ADGRG5: variants seen among roughly 807,000 people sequenced by gnomAD.
The protein encoded by ADGRG5 is G protein-coupled receptor 114.
A neutral mutation model predicts 53.2 loss-of-function variants in ADGRG5; 37 were observed. That is an observed-to-expected ratio of 0.70 (90% confidence interval 0.53 to 0.91). The LOEUF is 0.91. Ranked by LOEUF, ADGRG5 falls within the 40% of genes least tolerant of loss-of-function variation. ADGRG5 has a pLI of 0.00. For missense variants in ADGRG5, 614 were observed against 675.8 expected, an observed-to-expected ratio of 0.91 and a Z score of 1.01; for synonymous variants, 277 against 290.4, an observed-to-expected ratio of 0.95 and a Z score of 0.47.
At chr16:57,568,310 T>C (rs2033203256) in intron 9 of ADGRG5, among the ~76,000 whole-genome samples, 186 bp downstream of exon 9, 1 of 151,952 alleles carries the variant, frequency 6.6e-6, no homozygotes, top group Admixed American at 6.6e-5. Context: ...TCCACCTCCA[T>C]CATCATCATC....
At position 57,574,422 on chromosome 16, in the gene ADGRG5, G is replaced by A. The variant is rs1314523545; in HGVS notation, c.1209-393G>A. On this transcript the variant is annotated intron_variant, in intron 10 of 11. Coordinates refer to ENST00000349457, the MANE Select transcript of ADGRG5 (RefSeq NM_001304376.3). The surrounding 1 kb of genome is among the most constrained non-coding windows in gnomAD (Gnocchi z 4.4). ...GTGACAACCATGTAGTGGGGTGGAA[G>A]GGGAAGTTTCCAGGAAAGAGGGCTC... Among the ~76,000 whole-genome samples, 1 of 152,254 alleles carries A rather than the reference G, an allele frequency of 6.6e-6. No homozygotes were observed. Among genetic ancestry groups the A allele is most frequent in the Non-Finnish European group, 1.5e-5 (1 of 68,044 alleles).
intron 4 of ADGRG5, among the ~76,000 whole-genome samples, 174 bp downstream of exon 4, chr16:57,563,421 G>C (rs184423435): frequency 6.6e-6 from 1 of 152,346 alleles, no homozygotes; most frequent in East Asian, 1.9e-4. Context: ...GCTCATACTC[G>C]CTGTGTGAAC....
chr16:57,561,845 G>A (rs761311591), intron 1 of ADGRG5, among the ~76,000 whole-genome samples: 6 of 152,026 alleles, frequency 3.9e-5, no homozygotes, highest in Non-Finnish European at 8.8e-5. Flanking sequence ...TTACTTGGTG[G>A]TCAAGGATTC....
At chr16:57,547,713 C>T (rs1227098274) in intron 1 of ADGRG5, among the ~76,000 whole-genome samples, 1 of 152,170 alleles carries the variant, frequency 6.6e-6, no homozygotes, top group Non-Finnish European at 1.5e-5. Flanking sequence ...TCCCAGAGTG[C>T]TGGGATTACA....
chr16:57,554,925 A>T (rs2032848073), intron 1 of ADGRG5, among the ~76,000 whole-genome samples: 1 of 152,046 alleles, frequency 6.6e-6, no homozygotes, highest in African/African-American at 2.4e-5. Context: ...TCTCTGACTC[A>T]TGGGTTACTT....
At chr16:57,534,641 T>C in the ADGRG5 span, among the ~76,000 whole-genome samples, 5 of 152,298 alleles carry the variant, frequency 3.3e-5, no homozygotes, top group South Asian at 4.1e-4. Flanking sequence ...GGGCCCAGCA[T>C]ACAGCAGATG....
intron 1 of ADGRG5, among the ~76,000 whole-genome samples, chr16:57,557,253 T>C (rs1190292268): frequency 6.6e-6 from 1 of 152,212 alleles, no homozygotes; most frequent in African/African-American, 2.4e-5. Flanking sequence ...CATGGAGTTT[T>C]AGAATGACAG....
chr16:57,553,386 G>C (rs1333739468), intron 1 of ADGRG5, among the ~76,000 whole-genome samples: 1 of 152,158 alleles, frequency 6.6e-6, no homozygotes, highest in Non-Finnish European at 1.5e-5. Context: ...TGGCTTTTTT[G>C]TTGGCATGAG....
Position 57,547,476 on chromosome 16 carries a change from C to T in ADGRG5, c.-39+4775C>T, listed in dbSNP as rs552154133. 1.4e-4 allele frequency among the ~76,000 whole-genome samples: 21 copies of T among 152,292 alleles called. 1 individual carries two copies. The highest frequency in any genetic ancestry group is 3.6e-4 in the African/African-American group (15 of 41,552). The stretch of plus-strand genomic sequence containing the variant: ...TTTTGTTTTTTTTGAGACGGAGTCT[C>T]GCTCTGTGGCCAGGCTGGAGTGCAG... On this transcript the variant is annotated intron_variant, in intron 1 of 11. Transcript: ENST00000349457.
chr16:57,532,452 GC>G, the ADGRG5 span, among the ~76,000 whole-genome samples: 1 of 152,116 alleles, frequency 6.6e-6, no homozygotes, highest in Non-Finnish European at 1.5e-5. Flanking sequence ...GAGCTGGCTG[GC>G]CTTGATGCCC....
At chr16:57,550,361 G>GT (rs1237523115) in intron 1 of ADGRG5, among the ~76,000 whole-genome samples, 1 of 152,198 alleles carries the variant, frequency 6.6e-6, no homozygotes, top group Non-Finnish European at 1.5e-5. Flanking sequence ...TATTAGTTGT[G>GT]TAAGAGTTCT....
At position 57,562,372 on chromosome 16, in the gene ADGRG5, G is replaced by A. The variant is rs2033024862; in HGVS notation, c.65-12G>A. On this transcript the variant is annotated splice_polypyrimidine_tract_variant and intron_variant, in intron 2 of 11. Transcript: ENST00000349457. ...TTGAGACACAAACTGAGGGGGAGGT[G>A]TGTCCCCACAGAGACATGGGAAGAA... The A allele has an allele frequency of 6.3e-6, 10 of 1,599,912 alleles. No homozygotes were observed. Among genetic ancestry groups the A allele is most frequent in the African/African-American group, 1.3e-5 (1 of 74,812 alleles).
chr16:57,567,671 A>C, intron 8 of ADGRG5, 80 bp downstream of exon 8: 1 of 1,541,168 alleles, frequency 6.5e-7, no homozygotes, highest in Non-Finnish European at 8.8e-7. Context: ...GTCCACTAGA[A>C]CTGGGTGTGC....
chr16:57,574,698 C>A lies in ADGRG5; in HGVS notation c.1209-117C>A. 2.6e-6 allele frequency: 3 copies of A among 1,157,768 alleles called. No individual in the cohort carries two copies. The highest frequency in any genetic ancestry group is 3.6e-6 in the Non-Finnish European group (3 of 841,804). The allele number at this position is 1,157,768 out of a possible 1,614,324, so 71.7% of individuals were successfully genotyped here. On this transcript the variant is annotated intron_variant, in intron 10 of 11. Coordinates refer to ENST00000349457, the MANE Select transcript of ADGRG5 (RefSeq NM_001304376.3). This position sits in a 1 kb window ranked among gnomAD's most constrained non-coding sequence, Gnocchi z 4.4. ...TGAGGGGTTTCACTGTGTGTTCAGT[C>A]AGGCAAGAAACAATAGGGCCTGAGC... is the stretch of plus-strand genomic sequence containing the variant.
chr16:57,531,730 C>G, the ADGRG5 span, among the ~76,000 whole-genome samples: 2 of 152,142 alleles, frequency 1.3e-5, no homozygotes, highest in African/African-American at 2.4e-5. Context: ...CCATGTCCCT[C>G]TCTTTCCCAG....
At position 57,567,500 on chromosome 16, in the gene ADGRG5, T is replaced by G. The variant is rs761500974; in HGVS notation, c.730T>G (p.Leu244Val). Residue 244 changes from leucine to valine, a missense_variant, in exon 8 of 12, where the codon TTG becomes GTG. By Grantham distance (32) the Leu-to-Val change is conservative. Coordinates refer to ENST00000349457, the MANE Select transcript of ADGRG5 (RefSeq NM_001304376.3). ...QLSPALVPAE[L>V]LAPLTYISLV... ...CTCCCCAGCCCTGGTCCCTGCAGAG[T>G]TGCTGGCACCTCTTACGTACATCTC... The G allele has an allele frequency of 6.2e-7, 1 of 1,610,598 alleles. No homozygotes were observed. Among genetic ancestry groups the G allele is most frequent in the East Asian group, 2.2e-5 (1 of 44,868 alleles).
At chr16:57,553,789 G>A (rs1304269500) in intron 1 of ADGRG5, among the ~76,000 whole-genome samples, 1 of 152,176 alleles carries the variant, frequency 6.6e-6, no homozygotes, top group Non-Finnish European at 1.5e-5. Context: ...ACCTTGTAAT[G>A]TCTGTGGCTA....
chr16:57,549,788 C>T (rs1412412468), intron 1 of ADGRG5, among the ~76,000 whole-genome samples: 1 of 152,138 alleles, frequency 6.6e-6, no homozygotes, highest in East Asian at 1.9e-4. Flanking sequence ...TTCTAGATTC[C>T]ACTTCCATGT....
At position 57,574,670 on chromosome 16, in the gene ADGRG5, G is replaced by A. The variant is rs76184699; in HGVS notation, c.1209-145G>A. On this transcript the variant is annotated intron_variant, in intron 10 of 11. Coordinates refer to ENST00000349457, the MANE Select transcript of ADGRG5 (RefSeq NM_001304376.3). The surrounding 1 kb of genome is among the most constrained non-coding windows in gnomAD (Gnocchi z 4.4). ...CTGATGGTGGCCTGGCTGGAAAGCC[G>A]GGTGAGGGGTTTCACTGTGTGTTCA... is the stretch of plus-strand genomic sequence containing the variant. The A allele has an allele frequency of 2.3e-3, 1,945 of 842,064 alleles. 16 individuals are homozygous for A. In the African/African-American group the frequency reaches 0.026, roughly 11 times the overall value. 52.2% of individuals were successfully genotyped at this position (842,064 alleles called of 1,614,324 possible).
Sources: allele counts gnomAD v4.1 joint callset (sites outside exome capture counted in the v4.1 genomes callset), GRCh38; gene constraint gnomAD v4.1.1; non-coding constraint Gnocchi (gnomAD v3.1); transcripts MANE v1.5; gene names NCBI Gene and HGNC (gene_info 2026-07-23, HGNC 2026-07-21).